Variants in TWIST2 observed in about 807,000 individuals in gnomAD.
The protein encoded by TWIST2 is twist family bHLH transcription factor 2.
In TWIST2, 1 loss-of-function variant was observed where a neutral mutation model predicts 11.6. The observed-to-expected ratio is 0.09, with a 90% CI of 0.03 to 0.41. TWIST2 has a LOEUF of 0.41. TWIST2 is among the 10% of genes least tolerant of loss of function. The probability of loss-of-function intolerance (pLI) is 0.98; values close to 1 mark genes in which losing one functional copy is unlikely to be tolerated. For synonymous variants in TWIST2, 87 were observed against 96.6 expected, an observed-to-expected ratio of 0.90 and a Z score of 0.58; for missense variants, 168 against 226.4, an observed-to-expected ratio of 0.74 and a Z score of 1.66.
At chr2:238,891,608 GT>G (rs1407678100) in intron 1 of TWIST2, among the ~76,000 whole-genome samples, 1 of 152,160 alleles carries the variant, frequency 6.6e-6, no homozygotes, top group African/African-American at 2.4e-5. Context: ...CAGGGGGACG[GT>G]TTCCCCCAGG....
At chr2:238,901,993 C>T (rs939176153) in intron 1 of TWIST2, among the ~76,000 whole-genome samples, 4 of 152,072 alleles carry the variant, frequency 2.6e-5, no homozygotes, top group Admixed American at 6.6e-5. Context: ...AAGCCTCCTC[C>T]GCTGTGATGC....
rs1574767795 is a variant in TWIST2 at position 238,897,937 on chromosome 2, C to G, written c.*36-11905C>G. On this transcript the variant is annotated intron_variant, in intron 1 of 1. Transcript: ENST00000612363. ...TCTCCATGGGGCCTGCTGCTGGCACCCTGATGCCTGCCCATTGGGTGGGTG... is the reference window on the plus strand; with the variant it reads ...TCTCCATGGGGCCTGCTGCTGGCACGCTGATGCCTGCCCATTGGGTGGGTG... Among the ~76,000 whole-genome samples the G allele has an allele frequency of 5.3e-5, 8 of 152,348 alleles. 1 individual carries two copies.
chr2:238,891,701 A>T (rs1234253888), intron 1 of TWIST2, among the ~76,000 whole-genome samples: 1 of 152,098 alleles, frequency 6.6e-6, no homozygotes, highest in Non-Finnish European at 1.5e-5. Context: ...TGGCTGGCTG[A>T]CAGCACCCTC....
At chr2:238,854,841 G>C (rs1390035478) in intron 1 of TWIST2, among the ~76,000 whole-genome samples, 1 of 152,196 alleles carries the variant, frequency 6.6e-6, no homozygotes, top group East Asian at 1.9e-4. Flanking sequence ...TGCCACGGCA[G>C]CTTTCTTTGT....
chr2:238,903,557 GTGA>G (rs1469999593), intron 1 of TWIST2, among the ~76,000 whole-genome samples: 1 of 124,028 alleles, frequency 8.1e-6, no homozygotes, highest in Admixed American at 8.3e-5. Context: ...TGTGGGATGT[GTGA>G]TGTAGTGTGT....
intron 1 of TWIST2, among the ~76,000 whole-genome samples, chr2:238,887,559 G>A (rs1693063003): frequency 6.6e-6 from 1 of 152,190 alleles, no homozygotes; most frequent in African/African-American, 2.4e-5. Context: ...AGACTTGGTG[G>A]TCCTCTGGAA....
At chr2:238,857,525 G>A (rs923941351) in intron 1 of TWIST2, among the ~76,000 whole-genome samples, 2 of 152,026 alleles carry the variant, frequency 1.3e-5, no homozygotes, top group African/African-American at 2.4e-5. Flanking sequence ...CCACTGCTGC[G>A]GTTTGCAGAG....
intron 1 of TWIST2, among the ~76,000 whole-genome samples, chr2:238,902,430 G>A (rs1038723994): frequency 6.7e-6 from 1 of 150,014 alleles, no homozygotes; most frequent in Non-Finnish European, 1.5e-5. Flanking sequence ...GATGTGATAA[G>A]TGTGTGATAT....
chr2:238,892,991 G>A (rs1220210724), intron 1 of TWIST2, among the ~76,000 whole-genome samples: 2 of 152,164 alleles, frequency 1.3e-5, no homozygotes, highest in Non-Finnish European at 2.9e-5. Context: ...GGAAGCAAAA[G>A]GCCTGTCCCT....
intron 1 of TWIST2, among the ~76,000 whole-genome samples, chr2:238,869,401 C>G (rs565271938): frequency 6.6e-6 from 1 of 152,278 alleles, no homozygotes; most frequent in East Asian, 1.9e-4. Context: ...AAGAACACAA[C>G]AATGAAATGA....
chr2:238,889,107 A>C (rs1693087800), intron 1 of TWIST2, among the ~76,000 whole-genome samples: 1 of 152,204 alleles, frequency 6.6e-6, no homozygotes. Flanking sequence ...CCTGGATCCC[A>C]CAGAGGACTC....
At chr2:238,856,043 C>T (rs1240698542) in intron 1 of TWIST2, among the ~76,000 whole-genome samples, 2 of 152,158 alleles carry the variant, frequency 1.3e-5, no homozygotes, top group East Asian at 1.9e-4. Context: ...CCTGTTTCCA[C>T]GATCCCCAAA....
At position 238,892,758 on chromosome 2, in the gene TWIST2, G is replaced by A. The variant is rs571089502; in HGVS notation, c.*36-17084G>A. 2.6e-5 allele frequency among the ~76,000 whole-genome samples: 4 copies of A among 152,286 alleles called. No homozygotes were observed. In the South Asian group the frequency reaches 8.3e-4, roughly 32 times the overall value. On this transcript the variant is annotated intron_variant, in intron 1 of 1. Coordinates refer to ENST00000612363, the MANE Select transcript of TWIST2 (RefSeq NM_001271893.4). Reference sequence around the variant, plus strand: ...AGCCTCCCAAAGTGCTAGGATTACAGGTGTGAGCCGCCGCAACCGGCCTTC... The same window carrying A: ...AGCCTCCCAAAGTGCTAGGATTACAAGTGTGAGCCGCCGCAACCGGCCTTC...
chr2:238,901,904 G>T lies in TWIST2; in HGVS notation c.*36-7938G>T, dbSNP rs915926322. 3.8e-3 allele frequency among the ~76,000 whole-genome samples: 585 copies of T among 152,246 alleles called. 9 individuals carry two copies. The highest frequency in any genetic ancestry group is 3.5e-3 in the Non-Finnish European group (237 of 68,008). On this transcript the variant is annotated intron_variant, in intron 1 of 1. Transcript: ENST00000612363. ...AGCATCTGGAAGCCCAGGGTTGAGG[G>T]TGTGGTGGGGGAGGGAGAGGAGGTG...
intron 1 of TWIST2, among the ~76,000 whole-genome samples, chr2:238,878,211 G>A (rs540001070): frequency 9.2e-5 from 14 of 152,146 alleles, no homozygotes; most frequent in African/African-American, 2.9e-4. Flanking sequence ...CCCTGTCCAC[G>A]CACCAGCAAT....
intron 1 of TWIST2, among the ~76,000 whole-genome samples, chr2:238,878,931 A>C (rs1692855970): frequency 6.6e-6 from 1 of 152,220 alleles, no homozygotes; most frequent in South Asian, 2.1e-4. Flanking sequence ...GAACTCAGAT[A>C]ATTAAACATA....
At chr2:238,860,488 A>T (rs1692412156) in intron 1 of TWIST2, among the ~76,000 whole-genome samples, 2 of 152,198 alleles carry the variant, frequency 1.3e-5, no homozygotes, top group South Asian at 2.1e-4. Flanking sequence ...CCTTTGTGGC[A>T]TTATTCAGCC....
At chr2:238,856,262 A>G (rs1320062887) in intron 1 of TWIST2, among the ~76,000 whole-genome samples, 3 of 152,218 alleles carry the variant, frequency 2.0e-5, no homozygotes, top group African/African-American at 7.2e-5. Context: ...ACTGGGTGTT[A>G]AATTATTGCT....
chr2:238,853,127 A>G (rs1692270073), intron 1 of TWIST2, among the ~76,000 whole-genome samples: 2 of 152,206 alleles, frequency 1.3e-5, no homozygotes, highest in South Asian at 4.1e-4. Context: ...ACCAATTATA[A>G]TAGCAATACA....
Sources: gnomAD v4.1 joint callset for allele counts (sites outside exome capture counted in the v4.1 genomes callset) on GRCh38, gnomAD v4.1.1 for gene constraint, MANE v1.5 for transcripts, NCBI Gene and HGNC (gene_info 2026-07-23, HGNC 2026-07-21) for gene names.